Variants in KCNMA1 observed in about 807,000 individuals in gnomAD.
The protein encoded by KCNMA1 is potassium calcium-activated channel subfamily M alpha 1.
Under a neutral mutation model 140.0 loss-of-function variants are expected in KCNMA1, and 29 were observed. The observed-to-expected ratio is 0.21, with a 90% CI of 0.15 to 0.28. KCNMA1 has a LOEUF of 0.28. KCNMA1 is among the 10% of genes least tolerant of loss of function. The probability of loss-of-function intolerance (pLI) is 1.00; values close to 1 mark genes in which losing one functional copy is unlikely to be tolerated. For synonymous variants in KCNMA1, 612 were observed against 611.9 expected (o/e 1.00, Z 0.00); for missense variants, 880 against 1,602.2 (o/e 0.55, Z 7.70).
intron 2 of KCNMA1, among the ~76,000 whole-genome samples, chr10:77,285,499 T>G (rs2070471094): frequency 6.6e-6 from 1 of 152,186 alleles, no homozygotes; most frequent in Admixed American, 6.5e-5. Flanking sequence ...GAACAGACAC[T>G]GAAACAGGTG....
Position 77,180,699 on chromosome 10 carries a change from T to A in KCNMA1, c.808+2722A>T, listed in dbSNP as rs1477940892. Among the ~76,000 whole-genome samples the A allele has an allele frequency of 2.0e-5, 3 of 152,154 alleles. No individual in the cohort carries two copies. The East Asian group carries it at 5.8e-4, about 29-fold the overall frequency. ...TTTCTTCACTGTTGTTTCCCAATCA[T>A]CTGGAATGGTACCTGACATATAGTA... On this transcript the variant is annotated intron_variant, in intron 5 of 27. Coordinates refer to ENST00000286628, the MANE Select transcript of KCNMA1 (RefSeq NM_001161352.2).
chr10:77,576,852 C>T (rs966125466), intron 1 of KCNMA1, among the ~76,000 whole-genome samples: 3 of 152,136 alleles, frequency 2.0e-5, no homozygotes, highest in Admixed American at 6.5e-5. Flanking sequence ...AGTCATTTAA[C>T]GGGAGGAGGA....
At chr10:77,221,306 C>A (rs2049583192) in intron 3 of KCNMA1, among the ~76,000 whole-genome samples, 1 of 152,048 alleles carries the variant, frequency 6.6e-6, no homozygotes, top group African/African-American at 2.4e-5. Flanking sequence ...ACGAATCTTC[C>A]CAAGACCCTA....
chr10:77,396,903 C>A (rs1223861057), intron 2 of KCNMA1, among the ~76,000 whole-genome samples: 1 of 152,178 alleles, frequency 6.6e-6, no homozygotes, highest in Non-Finnish European at 1.5e-5. Context: ...TAGCTTTGCT[C>A]AGGAGCTGGT....
At chr10:77,319,510 C>A (rs1046052599) in intron 2 of KCNMA1, among the ~76,000 whole-genome samples, 1 of 152,192 alleles carries the variant, frequency 6.6e-6, no homozygotes, top group Non-Finnish European at 1.5e-5. Context: ...GTCCTTCACT[C>A]GCCCTCCAAA....
intron 5 of KCNMA1, among the ~76,000 whole-genome samples, chr10:77,179,255 A>G (rs1373933474): frequency 1.3e-5 from 2 of 152,152 alleles, no homozygotes; most frequent in Non-Finnish European, 2.9e-5. Context: ...TTTAGCCAAG[A>G]TGTGGACTGA....
intron 1 of KCNMA1, among the ~76,000 whole-genome samples, chr10:77,437,553 G>T (rs1445385501): frequency 1.3e-5 from 2 of 152,124 alleles, no homozygotes; most frequent in African/African-American, 4.8e-5. Context: ...TTCAGAACAA[G>T]TCACCAAGGG....
chr10:77,460,856 A>G (rs1603625261), intron 1 of KCNMA1, among the ~76,000 whole-genome samples: 1 of 152,342 alleles, frequency 6.6e-6, no homozygotes, highest in East Asian at 1.9e-4. Flanking sequence ...CTGTAATCCC[A>G]GCACTCTGGG....
Position 76,900,155 on chromosome 10 carries a change from T to G in KCNMA1, c.3148-8436A>C, listed in dbSNP as rs190747390. Among the ~76,000 whole-genome samples the G allele has an allele frequency of 3.3e-5, 5 of 152,208 alleles. No homozygotes were observed. The East Asian group carries it at 9.6e-4, about 29-fold the overall frequency. On this transcript the variant is annotated intron_variant, in intron 25 of 27. Transcript: ENST00000286628. ...GTAGAGATCATTTTTATTATTAAAC[T>G]TTATAATGTACACTGTTTCATAATA...
chr10:77,635,124 T>A (rs2093616237), intron 1 of KCNMA1: 2 of 152,352 alleles, frequency 1.3e-5, no homozygotes, highest in Non-Finnish European at 2.9e-5. Flanking sequence ...CATAGCCAAA[T>A]ATTTACGAAT....
intron 3 of KCNMA1, 96 bp from the exon 4 acceptor site, chr10:77,185,012 G>A (rs559177883): frequency 1.4e-5 from 11 of 799,912 alleles, no homozygotes; most frequent in Middle Eastern, 2.2e-4. Context: ...TAGGGTAGAC[G>A]ATGAAATGAA....
chr10:77,264,614 G>A (rs1565586989), intron 2 of KCNMA1, among the ~76,000 whole-genome samples: 1 of 152,034 alleles, frequency 6.6e-6, no homozygotes, highest in Non-Finnish European at 1.5e-5. Flanking sequence ...AGTTTTAAGA[G>A]CTTTGACATA....
intron 19 of KCNMA1, chr10:76,972,903 G>T (rs2076462657): frequency 6.6e-6 from 1 of 152,086 alleles, no homozygotes; most frequent in Admixed American, 6.5e-5. Flanking sequence ...GCCTTTATAT[G>T]GATCCTATCA....
At chr10:77,581,444 T>C (rs948689649) in intron 1 of KCNMA1, among the ~76,000 whole-genome samples, 3 of 152,160 alleles carry the variant, frequency 2.0e-5, no homozygotes, top group African/African-American at 7.2e-5. Flanking sequence ...TAGCTGGGAC[T>C]ACAGGTGCCC....
chr10:77,452,758 A>G (rs2097687719), intron 1 of KCNMA1, among the ~76,000 whole-genome samples: 1 of 152,148 alleles, frequency 6.6e-6, no homozygotes, highest in East Asian at 1.9e-4. Context: ...TCTGCTTCTG[A>G]TGATGTTTTC....
At chr10:77,477,732 G>A (rs772400176) in intron 1 of KCNMA1, among the ~76,000 whole-genome samples, 25 of 152,196 alleles carry the variant, frequency 1.6e-4, no homozygotes, top group Non-Finnish European at 3.1e-4. Flanking sequence ...GCCATTCAAA[G>A]GTGAGCTGAG....
intron 1 of KCNMA1, among the ~76,000 whole-genome samples, chr10:77,496,036 G>C (rs1343160922): frequency 6.6e-6 from 1 of 152,148 alleles, no homozygotes; most frequent in Non-Finnish European, 1.5e-5. Flanking sequence ...CCTCCTTGGA[G>C]GCCTGGAAGC....
intron 3 of KCNMA1, among the ~76,000 whole-genome samples, chr10:77,248,901 T>C (rs2059156333): frequency 6.6e-6 from 1 of 152,332 alleles, no homozygotes; most frequent in East Asian, 1.9e-4. Context: ...TCCCTTGTGC[T>C]GAATCCACTG....
intron 1 of KCNMA1, among the ~76,000 whole-genome samples, chr10:77,512,975 T>G (rs1255278206): frequency 6.6e-6 from 1 of 151,902 alleles, no homozygotes; most frequent in African/African-American, 2.4e-5. Flanking sequence ...GTTACAAGAG[T>G]GAACTTCACC....
Sources: gnomAD v4.1 joint callset for allele counts (sites outside exome capture counted in the v4.1 genomes callset) on GRCh38, gnomAD v4.1.1 for gene constraint, MANE v1.5 for transcripts, NCBI Gene and HGNC (gene_info 2026-07-23, HGNC 2026-07-21) for gene names.